Variants in ATP2B2 observed in about 807,000 individuals in gnomAD.
ATP2B2 encodes ATPase plasma membrane Ca2+ transporting 2, also known as plasma membrane calcium-transporting ATPase 2.
ATP2B2 carries 15 observed loss-of-function variants against 120.0 expected under a neutral mutation model. That is an observed-to-expected ratio of 0.12 (90% CI 0.08 to 0.19). The LOEUF (loss-of-function observed/expected upper bound fraction) is 0.19, where lower values mean the gene tolerates loss of function less well. ATP2B2 is among the 10% of genes least tolerant of loss of function. The pLI is 1.00. For synonymous variants in ATP2B2, 694 were observed against 700.3 expected, an observed-to-expected ratio of 0.99 and a Z score of 0.14; for missense variants, 1,045 against 1,719.8, an observed-to-expected ratio of 0.61 and a Z score of 6.94.
chr3:10,444,911 A>T (rs34865), intron 2 of ATP2B2, among the ~76,000 whole-genome samples: 5 of 152,158 alleles, frequency 3.3e-5, no homozygotes, highest in Non-Finnish European at 7.4e-5. Flanking sequence ...TCTTTCCGTG[A>T]ATATTTCTTG....
chr3:10,517,141 T>C (rs1222186092), intron 3 of ATP2B2, among the ~76,000 whole-genome samples: 1 of 152,214 alleles, frequency 6.6e-6, no homozygotes, highest in African/African-American at 2.4e-5. Context: ...TTTGATTCAC[T>C]GCCTCGGTGA....
At chr3:10,615,904 T>C (rs2069373033) in intron 2 of ATP2B2, among the ~76,000 whole-genome samples, 1 of 152,038 alleles carries the variant, frequency 6.6e-6, no homozygotes, top group Admixed American at 6.5e-5. Flanking sequence ...CACTCTGTGA[T>C]AGATGGGCTC....
At chr3:10,551,641 C>G (rs189121197) in intron 2 of ATP2B2, among the ~76,000 whole-genome samples, 4 of 152,308 alleles carry the variant, frequency 2.6e-5, no homozygotes, top group Non-Finnish European at 5.9e-5. Flanking sequence ...GAGTTCAAAC[C>G]TTCAGCCCGG....
intron 2 of ATP2B2, among the ~76,000 whole-genome samples, chr3:10,601,706 C>T (rs570109427): frequency 3.9e-5 from 6 of 152,330 alleles, no homozygotes; most frequent in East Asian, 1.9e-4. Context: ...GGGAGGGGAA[C>T]GCCCAGGAGC....
At chr3:10,571,770 T>C (rs1575509673) in intron 2 of ATP2B2, among the ~76,000 whole-genome samples, 2 of 152,306 alleles carry the variant, frequency 1.3e-5, no homozygotes, top group African/African-American at 2.4e-5. Context: ...CATCGTTGGG[T>C]TCCCACTCAG....
chr3:10,507,555 C>T (rs2125428971), upstream of ATP2B2, among the ~76,000 whole-genome samples: 1 of 152,326 alleles, frequency 6.6e-6, no homozygotes, highest in Non-Finnish European at 1.5e-5. Context: ...CATTGCACCT[C>T]CCATCTGTTG....
rs538366305 is a variant in ATP2B2 at position 10,564,580 on chromosome 3, T to C, written c.-414-30447A>G. ...CTACAGATTCTAGTGTGTATGACTT[T>C]TCATTTTGGAACTGTCCCAGGATGT... On this transcript the variant is annotated intron_variant, in intron 2 of 21. Coordinates refer to the ATP2B2 transcript ENST00000646379. Among the ~76,000 whole-genome samples the C allele has an allele frequency of 5.3e-5, 8 of 152,330 alleles. No homozygotes were observed. The South Asian group carries it at 1.7e-3, about 32-fold the overall frequency.
intron 14 of ATP2B2, among the ~76,000 whole-genome samples, chr3:10,357,706 T>C (rs556311931): frequency 2.6e-5 from 4 of 152,164 alleles, no homozygotes; most frequent in Non-Finnish European, 5.9e-5. Flanking sequence ...GGTCTGGACC[T>C]AGCAGCTGAG....
At chr3:10,361,569 C>A (rs537411648) in intron 12 of ATP2B2, among the ~76,000 whole-genome samples, 237 of 152,314 alleles carry the variant, frequency 1.6e-3, no homozygotes, top group African/African-American at 5.4e-3. Flanking sequence ...CTGGAGACTC[C>A]CAGAACACCA....
At chr3:10,344,453 A>G (rs935945923) in intron 18 of ATP2B2, among the ~76,000 whole-genome samples, 1 of 152,186 alleles carries the variant, frequency 6.6e-6, no homozygotes, top group Admixed American at 6.5e-5. Flanking sequence ...ATATTCCCCC[A>G]GCGCAGGAAG....
At chr3:10,398,601 C>T (rs2062119950) in intron 5 of ATP2B2, among the ~76,000 whole-genome samples, 2 of 152,240 alleles carry the variant, frequency 1.3e-5, no homozygotes, top group Non-Finnish European at 2.9e-5. Flanking sequence ...CCTTGTCCTT[C>T]CCCACTAAGG....
intron 12 of ATP2B2, among the ~76,000 whole-genome samples, chr3:10,364,569 G>T (rs1000420899): frequency 1.3e-5 from 2 of 151,890 alleles, no homozygotes; most frequent in Admixed American, 1.3e-4. Context: ...AAATTAGCCA[G>T]GAGTGGTGGC....
intron 2 of ATP2B2, among the ~76,000 whole-genome samples, chr3:10,536,419 C>CTCT (rs762176837): frequency 2.7e-5 from 4 of 148,148 alleles, no homozygotes; most frequent in Admixed American, 6.8e-5. Context: ...TCTTCTGCTT[C>CTCT]TCTTCTTCTT....
chr3:10,611,989 A>T (rs999742557), intron 2 of ATP2B2, among the ~76,000 whole-genome samples: 2 of 152,128 alleles, frequency 1.3e-5, no homozygotes, highest in Non-Finnish European at 2.9e-5. Context: ...TCCTGTCTAC[A>T]TTTCTGCCAG....
Position 10,345,113 on chromosome 3 carries a change from C to T in ATP2B2, c.2703+271G>A, listed in dbSNP as rs697225. Among the ~76,000 whole-genome samples the T allele has an allele frequency of 0.12, 18,586 of 152,228 alleles. 1,438 individuals are homozygous for T. The highest frequency in any genetic ancestry group is 0.35 in the East Asian group (1,812 of 5,150). On this transcript the variant is annotated intron_variant, in intron 18 of 22. Transcript: ENST00000360273. ...CCTCTCCTGCCTCCTGCAGTGAGGGCCAGGCTGTGAGCCTGACAGCTCCCA... is the reference window on the plus strand; with the variant it reads ...CCTCTCCTGCCTCCTGCAGTGAGGGTCAGGCTGTGAGCCTGACAGCTCCCA...
Position 10,608,806 on chromosome 3 carries a change from C to G in ATP2B2, c.-415+11111G>C, listed in dbSNP as rs149104562. On this transcript the variant is annotated intron_variant, in intron 2 of 21. Coordinates refer to the ATP2B2 transcript ENST00000646379. ...ATGGTACTACAGTTATCTAAGAAAC[C>G]ATTCTCTTGGCAAGACTAGGGGCGC... Among the ~76,000 whole-genome samples the G allele has an allele frequency of 3.1e-3, 472 of 152,278 alleles. 13 individuals are homozygous for G. In the East Asian group the frequency reaches 0.035, roughly 11 times the overall value.
intron 2 of ATP2B2, among the ~76,000 whole-genome samples, chr3:10,610,366 A>AC (rs954570545): frequency 6.6e-6 from 1 of 150,550 alleles, no homozygotes; most frequent in African/African-American, 2.4e-5. Context: ...CCAGTTCCCC[A>AC]CCCCCAATTT....
At chr3:10,705,664 G>C (rs2071885363) in intron 1 of ATP2B2, among the ~76,000 whole-genome samples, 1 of 152,254 alleles carries the variant, frequency 6.6e-6, no homozygotes, top group Admixed American at 6.5e-5. Flanking sequence ...GCTGCATGTA[G>C]ATGGTAACAC....
chr3:10,396,925 A>C (rs111645629), intron 5 of ATP2B2, among the ~76,000 whole-genome samples: 62 of 152,220 alleles, frequency 4.1e-4, no homozygotes, highest in African/African-American at 1.4e-3. Context: ...TTCACCCCCA[A>C]GTCCAGGCCT....
Sources: gnomAD v4.1 joint callset for allele counts (sites outside exome capture counted in the v4.1 genomes callset) on GRCh38, gnomAD v4.1.1 for gene constraint, MANE v1.5 for transcripts, NCBI Gene and HGNC (gene_info 2026-07-23, HGNC 2026-07-21) for gene names.